METTL15: variants seen among roughly 807,000 people sequenced by gnomAD.
METTL15 encodes the protein 12S rRNA N(4)-cytidine methyltransferase METTL15.
METTL15 carries 34 observed loss-of-function variants against 38.3 expected under a neutral mutation model. That is an observed-to-expected ratio of 0.89 (90% CI 0.68 to 1.18). METTL15 has a LOEUF of 1.18. METTL15 is among the 50% of genes most tolerant of loss of function. METTL15 has a pLI of 0.00. For synonymous variants in METTL15, 162 were observed against 170.9 expected (o/e 0.95, Z 0.41); for missense variants, 438 against 498.4 (o/e 0.88, Z 1.15).
intron 3 of METTL15, among the ~76,000 whole-genome samples, chr11:28,186,885 C>T (rs1244855247): frequency 2.0e-5 from 3 of 150,946 alleles, no homozygotes; most frequent in Non-Finnish European, 3.0e-5. Context: ...TGAAGATATG[C>T]ACGAATGAGT....
intron 4 of METTL15, among the ~76,000 whole-genome samples, chr11:28,220,079 G>A (rs534782836): frequency 3.9e-5 from 6 of 152,238 alleles, no homozygotes; most frequent in East Asian, 1.9e-4. Context: ...TGTTAGGTCC[G>A]CTTTGTGCAG....
intron 3 of METTL15, among the ~76,000 whole-genome samples, chr11:28,171,677 C>T (rs1456218762): frequency 2.0e-5 from 3 of 151,956 alleles, no homozygotes; most frequent in African/African-American, 7.3e-5. Flanking sequence ...AACAGAAAAC[C>T]TCATATTCTT....
At chr11:28,195,287 C>T (rs1851868624) in intron 3 of METTL15, among the ~76,000 whole-genome samples, 1 of 152,050 alleles carries the variant, frequency 6.6e-6, no homozygotes, top group Admixed American at 6.6e-5. Flanking sequence ...TGAGAAATCT[C>T]CATGCTGTTT....
downstream of METTL15, among the ~76,000 whole-genome samples, chr11:28,528,671 T>C (rs2133519776): frequency 6.6e-6 from 1 of 152,346 alleles, no homozygotes; most frequent in East Asian, 1.9e-4. Context: ...CTCTGATAAT[T>C]ACTTTGCCAC....
At chr11:28,322,339 C>T (rs1418544764) in intron 6 of METTL15, among the ~76,000 whole-genome samples, 1 of 152,074 alleles carries the variant, frequency 6.6e-6, no homozygotes, top group African/African-American at 2.4e-5. Flanking sequence ...ACCAACATCA[C>T]ATCAGGAAAA....
chr11:28,145,428 ATAATGG>A (rs1849847708), intron 3 of METTL15: 1 of 152,090 alleles, frequency 6.6e-6, no homozygotes, highest in Non-Finnish European at 1.5e-5. Flanking sequence ...CATCTATAAC[ATAATGG>A]ATCTCTTATT....
chr11:28,355,924 T>A (rs1415868037), intron 4 of METTL15, among the ~76,000 whole-genome samples: 1 of 152,206 alleles, frequency 6.6e-6, no homozygotes, highest in Admixed American at 6.5e-5. Flanking sequence ...ATCTTTTTCC[T>A]TTGCTCATTA....
At chr11:28,373,096 C>G (rs370483548) in intron 5 of METTL15, among the ~76,000 whole-genome samples, 2 of 151,864 alleles carry the variant, frequency 1.3e-5, no homozygotes, top group African/African-American at 4.8e-5. Context: ...TGCATGTGTC[C>G]TTATAGCAGC....
intron 5 of METTL15, among the ~76,000 whole-genome samples, chr11:28,382,343 A>G (rs1850396406): frequency 6.6e-6 from 1 of 152,180 alleles, no homozygotes; most frequent in Non-Finnish European, 1.5e-5. Context: ...GGCTGTCCTC[A>G]GGGATATTTC....
intron 6 of METTL15, among the ~76,000 whole-genome samples, chr11:28,521,705 G>C (rs1172771229): frequency 6.6e-6 from 1 of 152,096 alleles, no homozygotes; most frequent in African/African-American, 2.4e-5. Context: ...GGAGAAAGCA[G>C]AGTAGGGTCA....
At chr11:28,125,460 C>T (rs61889002) in intron 3 of METTL15, 12 of 152,042 alleles carry the variant, frequency 7.9e-5, no homozygotes, top group East Asian at 1.9e-4. Flanking sequence ...GTTGGATAAA[C>T]GAGTATCCAT....
In METTL15 at chr11:28,263,973, T is replaced by C. The variant is rs192332053; in HGVS notation, c.408-26233T>C. On this transcript the variant is annotated intron_variant, in intron 4 of 6. Coordinates refer to ENST00000407364, the MANE Select transcript of METTL15 (RefSeq NM_001113528.2). ...GTCTTCTATATATCTTCCATAGGGC[T>C]CAGCCCAATGCTACACATGTAGCAT... Among the ~76,000 whole-genome samples the C allele has an allele frequency of 2.9e-3, 440 of 152,230 alleles. 1 individual carries two copies. The highest frequency in any genetic ancestry group is 4.1e-3 in the Non-Finnish European group (277 of 67,968).
At chr11:28,405,464 C>T (rs1163347152) in intron 5 of METTL15, among the ~76,000 whole-genome samples, 2 of 152,056 alleles carry the variant, frequency 1.3e-5, no homozygotes, top group South Asian at 2.1e-4. Context: ...AGTAATTTTG[C>T]TCAATCCTCT....
chr11:28,437,899 T>A (rs1434141121), intron 6 of METTL15, among the ~76,000 whole-genome samples: 1 of 152,226 alleles, frequency 6.6e-6, no homozygotes, highest in East Asian at 1.9e-4. Flanking sequence ...CGTGAATAAA[T>A]GAACCAAATT....
At chr11:28,323,042 G>GT (rs1849521886) in intron 6 of METTL15, among the ~76,000 whole-genome samples, 2 of 152,024 alleles carry the variant, frequency 1.3e-5, no homozygotes, top group African/African-American at 4.8e-5. Flanking sequence ...GTATATATAT[G>GT]CACATATACA....
intron 4 of METTL15, among the ~76,000 whole-genome samples, chr11:28,213,717 G>A (rs143558894): frequency 2.7e-5 from 4 of 148,584 alleles, no homozygotes; most frequent in Admixed American, 2.0e-4. Flanking sequence ...CTGCAGTGGC[G>A]CTATCTCGGC....
chr11:28,261,047 G>T (rs190669496), intron 4 of METTL15: 1 of 152,264 alleles, frequency 6.6e-6, no homozygotes, highest in East Asian at 1.9e-4. Context: ...TCACGTGTTT[G>T]TCTTTTATCA....
At position 28,291,980 on chromosome 11, in the gene METTL15, A is replaced by T. The variant is rs2133991821; in HGVS notation, c.599+1583A>T. ...AAGTAAATATATCTTAAAATGTTGA[A>T]TGGCTTTCAGGTAGATGGTATAGAC... On this transcript the variant is annotated intron_variant, in intron 5 of 6. Transcript: ENST00000407364. Among the ~76,000 whole-genome samples, 3 of 152,246 alleles carry T rather than the reference A, an allele frequency of 2.0e-5. 1 individual carries two copies. The South Asian group carries it at 6.2e-4, about 32-fold the overall frequency.
intron 5 of METTL15, among the ~76,000 whole-genome samples, chr11:28,381,618 C>T (rs187826520): frequency 5.9e-5 from 9 of 152,016 alleles, no homozygotes; most frequent in Admixed American, 4.6e-4. Flanking sequence ...TGATTCTTTC[C>T]TCTGCTAGAT....
Sources: gnomAD v4.1 joint callset for allele counts (sites outside exome capture counted in the v4.1 genomes callset) on GRCh38, gnomAD v4.1.1 for gene constraint, MANE v1.5 for transcripts, NCBI Gene and HGNC (gene_info 2026-07-23, HGNC 2026-07-21) for gene names.